BEND4: variants seen among roughly 807,000 people sequenced by gnomAD.
BEND4 encodes the protein BEN domain containing 4.
In BEND4, 27 loss-of-function variants were observed where a neutral mutation model predicts 54.7. The ratio of observed to expected loss-of-function variants is 0.49; its 90% CI spans 0.36 to 0.68. The LOEUF is 0.68. Among genes scored for constraint, BEND4 ranks in the 30% least tolerant of loss-of-function variants. BEND4 has a pLI of 0.00. For missense variants in BEND4, 702 were observed against 697.2 expected (o/e 1.01, Z -0.08); for synonymous variants, 327 against 299.5 (o/e 1.09, Z -0.95).
Position 42,151,956 on chromosome 4 carries a change from G to C in BEND4, c.188C>G (p.Ala63Gly). Reference protein sequence around the residue: ...RAPPPPPPPFAPHAAVSISSS... With the variant: ...RAPPPPPPPFGPHAAVSISSS... ...GCTGATGGAGACGGCGGCGTGCGGC[G>C]CGAAGGGCGGCGGGGGCGGCGGGGG... is the stretch of plus-strand genomic sequence containing the variant. Residue 63 changes from alanine (A) to glycine (G), a missense_variant, in exon 2 of 6, where the codon GCG becomes GGG. Transcript: ENST00000502486. 4.0e-6 allele frequency: 5 copies of C among 1,248,442 alleles called. No individual in the cohort carries two copies. In the South Asian group the frequency reaches 1.6e-4, roughly 40 times the overall value. The allele number at this position is 1,248,442 out of a possible 1,614,324, so 77.3% of individuals were successfully genotyped here. A position where few individuals can be genotyped will look rare whatever the true frequency, so the allele number is the denominator to read the frequency against.
rs764245735 is a variant in BEND4 at position 42,117,644 on chromosome 4, G to A, written c.1479C>T (p.His493=). The change falls in exon 6 of 6, where the codon CAC becomes CAT. Residue 493 remains histidine, a synonymous_variant. Coordinates refer to ENST00000502486, the MANE Select transcript of BEND4 (RefSeq NM_207406.4). ...INKVFSDAVG[H]ARQGRAVGTF... is the part of the protein sequence containing the mutation. ...TCCCCACCGCCCGCCCCTGTCGGGC[G>A]TGACCGACAGCGTCGCTGAACACTT... 2.3e-5 allele frequency: 37 copies of A among 1,611,946 alleles called. No individual in the cohort carries two copies. The highest frequency in any genetic ancestry group is 8.9e-5 in the East Asian group (4 of 44,840).
At chr4:42,150,737 T>A (rs1410034745) in intron 2 of BEND4, among the ~76,000 whole-genome samples, 1 of 152,198 alleles carries the variant, frequency 6.6e-6, no homozygotes, top group Non-Finnish European at 1.5e-5. Context: ...AGGCAGGCAG[T>A]GGGCTGCTTT....
At chr4:42,151,298 G>A (rs542417650) in intron 2 of BEND4, 43 of 197,912 alleles carry the variant, frequency 2.2e-4, no homozygotes, top group African/African-American at 9.0e-4. Flanking sequence ...CCAGCGGGGC[G>A]GCCCGAGAAG....
chr4:42,129,845 G>A (rs1199895686), intron 3 of BEND4, among the ~76,000 whole-genome samples: 1 of 152,304 alleles, frequency 6.6e-6, no homozygotes. Flanking sequence ...ATAGGCACAA[G>A]CAAAGATTTC....
intron 2 of BEND4, among the ~76,000 whole-genome samples, chr4:42,145,180 T>C (rs1175543827): frequency 6.6e-6 from 1 of 152,180 alleles, no homozygotes; most frequent in African/African-American, 2.4e-5. Flanking sequence ...TGGTGAGATG[T>C]TCAAGGGCTG....
At chr4:42,150,407 A>G (rs1051366114) in intron 2 of BEND4, among the ~76,000 whole-genome samples, 5 of 152,262 alleles carry the variant, frequency 3.3e-5, no homozygotes, top group African/African-American at 1.2e-4. Context: ...AGTCTTCACT[A>G]TAACCTGTAA....
chr4:42,111,053 C>T lies in BEND4; in HGVS notation c.*6465G>A, dbSNP rs1719539697. 6.6e-6 allele frequency: 1 copy of T among 152,162 alleles called. No homozygotes were observed. The highest frequency in any genetic ancestry group is 1.5e-5 in the Non-Finnish European group (1 of 68,030). 9.4% of individuals were successfully genotyped at this position (152,162 alleles called of 1,614,324 possible). A position where few individuals can be genotyped will look rare whatever the true frequency, so the allele number is the denominator to read the frequency against. The stretch of plus-strand genomic sequence containing the variant: ...CAATTAGAACACCTGAAATAATTGG[C>T]TCTAGTAACAAATGTCTCTTATAAT... On this transcript the variant is annotated 3_prime_UTR_variant, in exon 6 of 6. Coordinates refer to ENST00000502486, the MANE Select transcript of BEND4 (RefSeq NM_207406.4).
chr4:42,138,464 C>A (rs1357003217), intron 3 of BEND4, among the ~76,000 whole-genome samples: 1 of 152,080 alleles, frequency 6.6e-6, no homozygotes, highest in Non-Finnish European at 1.5e-5. Flanking sequence ...TCAGAGGTTA[C>A]GAAGTAGCAC....
At chr4:42,146,476 C>T (rs547619875) in intron 2 of BEND4, among the ~76,000 whole-genome samples, 15 of 152,258 alleles carry the variant, frequency 9.9e-5, no homozygotes, top group African/African-American at 2.4e-4. Context: ...TACTCTTATC[C>T]GGAGTCTCAC....
intron 3 of BEND4, among the ~76,000 whole-genome samples, chr4:42,133,727 C>T (rs918144116): frequency 1.3e-5 from 2 of 151,998 alleles, no homozygotes; most frequent in African/African-American, 2.4e-5. Flanking sequence ...TGGTGGTGGG[C>T]GCCTGTAGTC....
intron 3 of BEND4, among the ~76,000 whole-genome samples, chr4:42,140,668 T>C (rs1720849814): frequency 6.6e-6 from 1 of 152,168 alleles, no homozygotes; most frequent in African/African-American, 2.4e-5. Context: ...GTTCGGTAAG[T>C]GAGAGGCGGA....
chr4:42,138,270 C>T (rs572656221), intron 3 of BEND4, among the ~76,000 whole-genome samples: 8 of 152,152 alleles, frequency 5.3e-5, no homozygotes, highest in Non-Finnish European at 1.0e-4. Flanking sequence ...CAAGATTTTG[C>T]CACTGCCACA....
In BEND4 at chr4:42,110,854, T is replaced by C. The variant is rs1719531350; in HGVS notation, c.*6664A>G. 1 of 152,178 alleles carries C rather than the reference T, an allele frequency of 6.6e-6. No homozygotes were observed. The highest frequency in any genetic ancestry group is 2.4e-5 in the African/African-American group (1 of 41,434). 9.4% of individuals were successfully genotyped at this position (152,178 alleles called of 1,614,324 possible). ...TCAGAGACAAGCAAAACTCTTAGCT[T>C]CAGGGAGAGAAAAGTTATGTATTCA... On this transcript the variant is annotated 3_prime_UTR_variant, in exon 6 of 6. Coordinates refer to ENST00000502486, the MANE Select transcript of BEND4 (RefSeq NM_207406.4).
At chr4:42,145,993 A>G (rs1721068820) in intron 2 of BEND4, among the ~76,000 whole-genome samples, 1 of 152,216 alleles carries the variant, frequency 6.6e-6, no homozygotes, top group African/African-American at 2.4e-5. Flanking sequence ...AGTCCACCCT[A>G]GGCTGGTTGA....
intron 4 of BEND4, among the ~76,000 whole-genome samples, chr4:42,125,064 T>C (rs1385022860): frequency 6.6e-6 from 1 of 152,240 alleles, no homozygotes; most frequent in African/African-American, 2.4e-5. Context: ...GAACATCTTA[T>C]AAGTATGTAC....
intron 2 of BEND4, among the ~76,000 whole-genome samples, chr4:42,149,840 T>G (rs1248688061): frequency 6.6e-6 from 1 of 151,630 alleles, no homozygotes; most frequent in Non-Finnish European, 1.5e-5. Context: ...ACAGGAAATA[T>G]ATAGCCGGCT....
At chr4:42,124,184 A>G (rs7669154) in intron 4 of BEND4, among the ~76,000 whole-genome samples, 62,571 of 151,992 alleles carry the variant, frequency 0.41, 18,654 homozygotes, top group African/African-American at 0.85. Context: ...GTGACACCCC[A>G]TCTCTATAAA....
chr4:42,143,570 G>A lies in BEND4; in HGVS notation c.912C>T (p.His304=), dbSNP rs867279903. ...CTTCTGGCAGTGTAGATGAAGATGG[G>A]TGGCCATGGGATTCGGACGTTGCTG... is the stretch of plus-strand genomic sequence containing the variant. ...TSPATSESHG[H]PSSSTLPEEE... Residue 304 remains histidine (H), a synonymous_variant, in exon 3 of 6, where the codon CAC becomes CAT. Transcript: ENST00000502486. 24 of 1,568,464 alleles carry A rather than the reference G, an allele frequency of 1.5e-5. 1 individual carries two copies. In the Middle Eastern group the frequency reaches 2.8e-3, roughly 185 times the overall value.
intron 5 of BEND4, 133 bp from the exon 6 acceptor site, chr4:42,117,868 T>C (rs1719907746): frequency 1.6e-6 from 1 of 637,782 alleles, no homozygotes. Context: ...TCCAACGCAA[T>C]GCCATGATGA....
Sources: allele counts gnomAD v4.1 joint callset (sites outside exome capture counted in the v4.1 genomes callset), GRCh38; gene constraint gnomAD v4.1.1; transcripts MANE v1.5; gene names NCBI Gene and HGNC (gene_info 2026-07-23, HGNC 2026-07-21).